The following MEGF11 variants were observed in gnomAD, a reference collection of about 807,000 sequenced individuals.
MEGF11 encodes the protein multiple EGF like domains 11.
A neutral mutation model predicts 146.6 loss-of-function variants in MEGF11; 126 were observed. That is an observed-to-expected ratio of 0.86 (90% CI 0.74 to 1.00). The LOEUF is 1.00. Among genes scored for constraint, MEGF11 ranks in the 50% least tolerant of loss-of-function variants. MEGF11 has a pLI of 0.00. For missense variants in MEGF11, 1,509 were observed against 1,521.2 expected, an observed-to-expected ratio of 0.99 and a Z score of 0.13; for synonymous variants, 532 against 583.4, an observed-to-expected ratio of 0.91 and a Z score of 1.27.
intron 1 of MEGF11, among the ~76,000 whole-genome samples, chr15:66,203,550 C>T (rs897757641): frequency 6.6e-6 from 1 of 152,148 alleles, no homozygotes; most frequent in Non-Finnish European, 1.5e-5. Context: ...TACCTGCTTA[C>T]AAGAAAGACA....
At chr15:65,930,763 G>T (rs900536239) in intron 11 of MEGF11, 60 bp downstream of exon 11, 14 of 1,499,782 alleles carry the variant, frequency 9.3e-6, no homozygotes, top group Non-Finnish European at 1.3e-5. Flanking sequence ...TCAGCTGGCA[G>T]CACCACCTGG....
intron 1 of MEGF11, among the ~76,000 whole-genome samples, chr15:66,133,927 G>A (rs1375583125): frequency 2.0e-5 from 3 of 152,040 alleles, no homozygotes; most frequent in South Asian, 2.1e-4. Context: ...ATAAATCAGC[G>A]GGGATTGGAG....
rs1477341379 is a variant in MEGF11, at chr15:66,093,657, A to G, written c.394+745T>C. On this transcript the variant is annotated intron_variant, in intron 5 of 25. Transcript: ENST00000395614. ...ATAATGTGCCAAGTCATCTGCAAAT[A>G]TTTGGGGGCAATAAACCAGAGGGGA... is the stretch of plus-strand genomic sequence containing the variant. 3.3e-5 allele frequency among the ~76,000 whole-genome samples: 5 copies of G among 152,322 alleles called. No individual in the cohort carries two copies. The South Asian group carries it at 6.2e-4, about 19-fold the overall frequency.
intron 5 of MEGF11, among the ~76,000 whole-genome samples, chr15:66,020,718 C>G (rs959043331): frequency 1.3e-5 from 2 of 152,202 alleles, no homozygotes; most frequent in Admixed American, 1.3e-4. Flanking sequence ...GCCGGCCGGG[C>G]GCAGTGGCTC....
intron 3 of MEGF11, among the ~76,000 whole-genome samples, chr15:66,121,759 A>G (rs2088035385): frequency 6.6e-6 from 1 of 152,214 alleles, no homozygotes; most frequent in Non-Finnish European, 1.5e-5. Context: ...CCACTGATTT[A>G]TCCTTATGGA....
At chr15:66,134,966 G>A (rs1157148569) in intron 1 of MEGF11, among the ~76,000 whole-genome samples, 1 of 152,258 alleles carries the variant, frequency 6.6e-6, no homozygotes, top group Non-Finnish European at 1.5e-5. Flanking sequence ...GAATGGTGGA[G>A]TCCACCTGAC....
At chr15:65,941,037 T>C (rs1429548662) in intron 10 of MEGF11, among the ~76,000 whole-genome samples, 3 of 152,234 alleles carry the variant, frequency 2.0e-5, no homozygotes, top group African/African-American at 4.8e-5. Flanking sequence ...TGCACAAATA[T>C]GTGATATGGC....
At chr15:66,164,328 G>C (rs1450662104) in intron 1 of MEGF11, among the ~76,000 whole-genome samples, 1 of 152,184 alleles carries the variant, frequency 6.6e-6, no homozygotes, top group Non-Finnish European at 1.5e-5. Context: ...CTGTGCCAAT[G>C]GAGTTGTGCA....
At chr15:66,130,947 C>T (rs2088623266) in intron 1 of MEGF11, among the ~76,000 whole-genome samples, 1 of 152,194 alleles carries the variant, frequency 6.6e-6, no homozygotes, top group African/African-American at 2.4e-5. Flanking sequence ...ATTAGGCCAA[C>T]TCCATTTGGA....
At chr15:66,015,430 C>T (rs888762145) in intron 5 of MEGF11, among the ~76,000 whole-genome samples, 41 of 152,184 alleles carry the variant, frequency 2.7e-4, no homozygotes, top group Admixed American at 2.0e-3. Context: ...TTCATTTAAT[C>T]GTTCATTCAA....
chr15:65,992,631 G>A (rs16949217), intron 5 of MEGF11, among the ~76,000 whole-genome samples: 50,274 of 151,452 alleles, frequency 0.33, 8,686 homozygotes, highest in East Asian at 0.61. Context: ...TATCAACTTC[G>A]GGGACTTTAT....
At chr15:66,221,622 T>TTTTTTTTTTTTTTTTTTTGAGAC (rs1247289020) in intron 1 of MEGF11, among the ~76,000 whole-genome samples, 1 of 151,632 alleles carries the variant, frequency 6.6e-6, no homozygotes, top group Non-Finnish European at 1.5e-5. Flanking sequence ...TCTCTTTATT[T>TTTTTTTTTTTTTTTTTTTGAGAC]GAGTATATGT....
chr15:66,013,325 C>A (rs553488136), intron 5 of MEGF11, among the ~76,000 whole-genome samples: 3 of 152,326 alleles, frequency 2.0e-5, no homozygotes, highest in Admixed American at 2.0e-4. Context: ...CTTGCTTTGC[C>A]ATTATCCTCT....
At chr15:66,113,138 C>T (rs2087523880) in intron 4 of MEGF11, among the ~76,000 whole-genome samples, 1 of 152,182 alleles carries the variant, frequency 6.6e-6, no homozygotes, top group African/African-American at 2.4e-5. Context: ...ATCCTCTCCC[C>T]TCAACCAGAG....
chr15:65,988,946 C>T (rs1045875360), intron 5 of MEGF11, among the ~76,000 whole-genome samples: 4 of 152,204 alleles, frequency 2.6e-5, no homozygotes, highest in Admixed American at 2.6e-4. Flanking sequence ...AGAACCCCCT[C>T]CCAGCTGCTT....
chr15:66,194,198 AC>A (rs2090951250), intron 1 of MEGF11, among the ~76,000 whole-genome samples: 1 of 152,244 alleles, frequency 6.6e-6, no homozygotes, highest in Non-Finnish European at 1.5e-5. Context: ...ATTTGCAGCA[AC>A]CTGGATGGAA....
At chr15:65,990,097 G>A (rs2081982064) in intron 5 of MEGF11, among the ~76,000 whole-genome samples, 1 of 152,112 alleles carries the variant, frequency 6.6e-6, no homozygotes, top group Non-Finnish European at 1.5e-5. Flanking sequence ...TGTAGTCCCA[G>A]CTACTTGGGA....
rs1340603705 is a variant in MEGF11 at position 65,897,690 on chromosome 15, G to A, written c.*244C>T. The A allele has an allele frequency of 1.0e-4, 35 of 334,448 alleles. No homozygotes were observed. In the East Asian group the frequency reaches 1.4e-3, roughly 13 times the overall value. 20.7% of individuals were successfully genotyped at this position (334,448 alleles called of 1,614,324 possible). A position where few individuals can be genotyped will look rare whatever the true frequency, so the allele number is the denominator to read the frequency against. Reference sequence around the variant, plus strand: ...TTGATGAGTAGCTGTATCTTAAAATGTTTTAAAAATCATATAATCCAGGGC... The same window carrying A: ...TTGATGAGTAGCTGTATCTTAAAATATTTTAAAAATCATATAATCCAGGGC... On this transcript the variant is annotated 3_prime_UTR_variant, in exon 26 of 26. Coordinates refer to ENST00000395614, the MANE Select transcript of MEGF11 (RefSeq NM_001385028.1).
chr15:65,951,877 C>T (rs2080416228), intron 10 of MEGF11, among the ~76,000 whole-genome samples: 1 of 151,858 alleles, frequency 6.6e-6, no homozygotes, highest in Non-Finnish European at 1.5e-5. Context: ...TGGTACATGC[C>T]TGTATTCTCA....
Sources: gnomAD v4.1 joint callset for allele counts (sites outside exome capture counted in the v4.1 genomes callset) on GRCh38, gnomAD v4.1.1 for gene constraint, MANE v1.5 for transcripts, NCBI Gene and HGNC (gene_info 2026-07-23, HGNC 2026-07-21) for gene names.